The following TAFA2 variants were observed in gnomAD, a reference collection of about 807,000 sequenced individuals.
TAFA2 encodes the protein chemokine-like protein TAFA-2.
In TAFA2, 7 loss-of-function variants were observed where a neutral mutation model predicts 18.8. That is an observed-to-expected ratio of 0.37 (90% CI 0.21 to 0.70). TAFA2 has a LOEUF of 0.70. Ranked by LOEUF, TAFA2 falls within the 30% of genes least tolerant of loss-of-function variation. TAFA2 has a pLI of 0.53. For synonymous variants in TAFA2, 60 were observed against 54.2 expected (o/e 1.11, Z -0.47); for missense variants, 122 against 158.1 (o/e 0.77, Z 1.23).
At chr12:61,956,581 T>A (rs1161525693) in intron 1 of TAFA2, among the ~76,000 whole-genome samples, 2 of 151,488 alleles carry the variant, frequency 1.3e-5, no homozygotes, top group Non-Finnish European at 2.9e-5. Context: ...ACAGATGGTG[T>A]TTTTTTGGTT....
At chr12:62,140,147 G>A (rs1056078934) in intron 1 of TAFA2, 1 of 152,144 alleles carries the variant, frequency 6.6e-6, no homozygotes, top group Non-Finnish European at 1.5e-5. Context: ...AGATTTTACT[G>A]TAAATATTTT....
chr12:61,973,289 G>GA (rs924758299), intron 1 of TAFA2, among the ~76,000 whole-genome samples: 4 of 151,106 alleles, frequency 2.6e-5, no homozygotes, highest in South Asian at 2.1e-4. Flanking sequence ...CAGTCCTGCT[G>GA]AAAAAATCAT....
chr12:61,749,575 T>C (rs1012063199), intron 4 of TAFA2, among the ~76,000 whole-genome samples: 2 of 152,100 alleles, frequency 1.3e-5, no homozygotes, highest in Admixed American at 1.3e-4. Context: ...CATTATACAA[T>C]AAAATAATAT....
intron 2 of TAFA2, among the ~76,000 whole-genome samples, chr12:61,856,638 AT>A (rs1433263754): frequency 6.6e-6 from 1 of 151,954 alleles, no homozygotes; most frequent in Admixed American, 6.6e-5. Context: ...AGTCTAGATC[AT>A]TTTTGTTAGT....
At position 61,915,122 on chromosome 12, in the gene TAFA2, C is replaced by T. The variant is rs1435969587; in HGVS notation, c.-1-47696G>A. ...GTTGTGGTGAGCCAAGATCGTGCCA[C>T]TGCTCTCCAGCCCGGGCAACAGAGC... On this transcript the variant is annotated intron_variant, in intron 1 of 4. Transcript: ENST00000416284. Among the ~76,000 whole-genome samples, 3 of 152,288 alleles carry T rather than the reference C, an allele frequency of 2.0e-5. No homozygotes were observed. The East Asian group carries it at 5.8e-4, about 29-fold the overall frequency.
intron 4 of TAFA2, among the ~76,000 whole-genome samples, chr12:61,731,402 G>C (rs2120652859): frequency 6.6e-6 from 1 of 152,190 alleles, no homozygotes; most frequent in Admixed American, 6.5e-5. Flanking sequence ...GTCCAAGTGG[G>C]AGCTGCAAGT....
chr12:61,922,016 T>G (rs74941488), intron 1 of TAFA2, among the ~76,000 whole-genome samples: 1 of 152,182 alleles, frequency 6.6e-6, no homozygotes, highest in South Asian at 2.1e-4. Context: ...AAGAACTGAA[T>G]GTTCGATTTA....
At chr12:61,957,446 T>C (rs1878735332) in intron 1 of TAFA2, among the ~76,000 whole-genome samples, 1 of 152,022 alleles carries the variant, frequency 6.6e-6, no homozygotes, top group Admixed American at 6.6e-5. Flanking sequence ...AGAGGAGTCA[T>C]CAATGGTAAA....
At chr12:62,152,584 T>C (rs2062336174) in intron 1 of TAFA2, among the ~76,000 whole-genome samples, 1 of 152,182 alleles carries the variant, frequency 6.6e-6, no homozygotes, top group Non-Finnish European at 1.5e-5. Flanking sequence ...TATCTCCTGC[T>C]TAAAGATGTG....
chr12:62,029,686 C>T (rs1389619172), intron 1 of TAFA2, among the ~76,000 whole-genome samples: 1 of 152,018 alleles, frequency 6.6e-6, no homozygotes, highest in African/African-American at 2.4e-5. Context: ...TTCTATATCA[C>T]CATCACCTCA....
intron 4 of TAFA2, among the ~76,000 whole-genome samples, chr12:61,745,728 A>G (rs1868673096): frequency 6.6e-6 from 1 of 152,074 alleles, no homozygotes; most frequent in Admixed American, 6.6e-5. Context: ...GCACTGCTAT[A>G]CAGAGATTCT....
intron 1 of TAFA2, among the ~76,000 whole-genome samples, chr12:62,148,077 G>A (rs2062300415): frequency 6.6e-6 from 1 of 152,164 alleles, no homozygotes; most frequent in Non-Finnish European, 1.5e-5. Context: ...ATGTTGGCGA[G>A]CTTGCAGAGA....
intron 1 of TAFA2, among the ~76,000 whole-genome samples, chr12:61,891,914 GC>G (rs1184698085): frequency 6.6e-6 from 1 of 151,842 alleles, no homozygotes; most frequent in Non-Finnish European, 1.5e-5. Flanking sequence ...AGTGGAGAGG[GC>G]TTTGAAACAA....
At chr12:61,740,489 AG>A (rs1001696910) in intron 4 of TAFA2, among the ~76,000 whole-genome samples, 3 of 151,824 alleles carry the variant, frequency 2.0e-5, no homozygotes, top group African/African-American at 7.3e-5. Flanking sequence ...AAAAAAAAAA[AG>A]TCTAAAAACA....
At chr12:61,858,316 C>T (rs1402392030) in intron 2 of TAFA2, among the ~76,000 whole-genome samples, 6 of 152,142 alleles carry the variant, frequency 3.9e-5, no homozygotes, top group East Asian at 1.9e-4. Flanking sequence ...TGCCCTACCA[C>T]GATTGCAATT....
intron 2 of TAFA2, among the ~76,000 whole-genome samples, chr12:61,818,797 T>G (rs1315274724): frequency 6.6e-6 from 1 of 152,206 alleles, no homozygotes; most frequent in African/African-American, 2.4e-5. Flanking sequence ...AGCTATAATT[T>G]TGTTGTATGT....
Position 61,818,218 on chromosome 12 carries a change from G to A in TAFA2, c.106+49102C>T, listed in dbSNP as rs895485590. On this transcript the variant is annotated intron_variant, in intron 2 of 4. Transcript: ENST00000416284. ...CATTCTGTCTGTTCTATATTGTCAC[G>A]TCTGTCTTTTTCTTTATCAAATAGA... Among the ~76,000 whole-genome samples, 8 of 151,866 alleles carry A rather than the reference G, an allele frequency of 5.3e-5. No homozygotes were observed. In the East Asian group the frequency reaches 1.5e-3, roughly 29 times the overall value.
intron 1 of TAFA2, among the ~76,000 whole-genome samples, chr12:61,904,820 A>T (rs1876272071): frequency 6.6e-6 from 1 of 152,194 alleles, no homozygotes; most frequent in African/African-American, 2.4e-5. Flanking sequence ...GAATGATACT[A>T]AAAAACAGTT....
At chr12:61,843,720 A>G (rs1873285947) in intron 2 of TAFA2, among the ~76,000 whole-genome samples, 1 of 152,182 alleles carries the variant, frequency 6.6e-6, no homozygotes, top group Non-Finnish European at 1.5e-5. Context: ...GTAGATTCAT[A>G]TATACACACA....
Sources: gnomAD v4.1 joint callset for allele counts (sites outside exome capture counted in the v4.1 genomes callset) on GRCh38, gnomAD v4.1.1 for gene constraint, MANE v1.5 for transcripts, NCBI Gene and HGNC (gene_info 2026-07-23, HGNC 2026-07-21) for gene names.